GOLGA2: variants seen among roughly 807,000 people sequenced by gnomAD.
GOLGA2 encodes the protein golgin subfamily A member 2.
Under a neutral mutation model 148.8 loss-of-function variants are expected in GOLGA2, and 49 were observed. The ratio of observed to expected loss-of-function variants is 0.33; its 90% confidence interval spans 0.26 to 0.42. The LOEUF is 0.42. Among genes scored for constraint, GOLGA2 ranks in the 10% least tolerant of loss-of-function variants. GOLGA2 has a pLI of 1.00. For synonymous variants in GOLGA2, 501 were observed against 511.8 expected (o/e 0.98, Z 0.28); for missense variants, 1,178 against 1,304.6 (o/e 0.90, Z 1.49).
Position 128,259,428 on chromosome 9 carries a change from C to T in GOLGA2, c.1873-37G>A, listed in dbSNP as rs1203475501. Reference sequence around the variant, plus strand: ...CCCTGGGCGTGAGGGCAGGTGGTGGCCTGCTTCCAGATTCAGGGCCCATAA... The same window carrying T: ...CCCTGGGCGTGAGGGCAGGTGGTGGTCTGCTTCCAGATTCAGGGCCCATAA... On this transcript the variant is annotated intron_variant, in intron 19 of 26. Coordinates refer to ENST00000611957, the MANE Select transcript of GOLGA2 (RefSeq NM_001366244.2). 1.5e-5 allele frequency: 20 copies of T among 1,351,442 alleles called. No individual in the cohort carries two copies. In the East Asian group the frequency reaches 4.9e-4, roughly 33 times the overall value. The allele number at this position is 1,351,442 out of a possible 1,614,324, so 83.7% of individuals were successfully genotyped here. A position where few individuals can be genotyped will look rare whatever the true frequency, so the allele number is the denominator to read the frequency against.
rs72756867 is a variant in GOLGA2 at position 128,259,043 on chromosome 9, G to A, written c.2137C>T (p.Arg713Trp). The A allele has an allele frequency of 1.5e-3, 2,412 of 1,610,430 alleles. 9 individuals are homozygous for A. The highest frequency in any genetic ancestry group is 1.8e-3 in the Non-Finnish European group (2,089 of 1,178,740). The change falls in exon 21 of 27, where the codon CGG (arginine) becomes TGG (tryptophan). Residue 713 changes from arginine (R) to tryptophan (W), a missense_variant. Arg to Trp is a moderately radical substitution (Grantham distance 101). This residue lies in a region of GOLGA2 where 529 missense variants were observed against 521.8 expected (regional missense o/e 1.01). Coordinates refer to ENST00000611957, the MANE Select transcript of GOLGA2 (RefSeq NM_001366244.2). ...TGAGCCATGAGGCTCAACTGGGCCC[G>A]TAGCTGCTGATTCTGCTGGGTGGCA... ...EAATQQNQQL[R>W]AQLSLMAHPG... is the part of the protein sequence containing the mutation.
rs1830061027 is a variant in GOLGA2, at chr9:128,258,633, C to T, written c.2174-63G>A. 3 of 1,206,062 alleles carry T rather than the reference C, an allele frequency of 2.5e-6. No individual in the cohort carries two copies. Among genetic ancestry groups the T allele is most frequent in the East Asian group, 2.5e-5 (1 of 39,256 alleles). 74.7% of individuals were successfully genotyped at this position (1,206,062 alleles called of 1,614,324 possible). On this transcript the variant is annotated intron_variant, in intron 21 of 26. Transcript: ENST00000611957. The surrounding 1 kb of genome is among the most constrained non-coding windows in gnomAD (Gnocchi z 6.6). ...CAAGGGTACAGTGGGCCCACCTCTG[C>T]CCCCACCCTCACTGTGTAACCCTGG...
chr9:128,257,149 C>T lies in GOLGA2; in HGVS notation c.3008G>A (p.Arg1003His), dbSNP rs769354633. 62 of 1,614,012 alleles carry T rather than the reference C, an allele frequency of 3.8e-5. No homozygotes were observed. Among genetic ancestry groups the T allele is most frequent in the Non-Finnish European group, 4.4e-5 (52 of 1,179,996 alleles). Residue 1003 changes from arginine (R) to histidine (H), a missense_variant, in exon 27 of 27, where the codon CGC becomes CAC. Transcript: ENST00000611957. The surrounding 1 kb of genome is among the most constrained non-coding windows in gnomAD (Gnocchi z 8.0). The part of the protein sequence containing the change: ...LLREMQNPRE[R>H]PGLGSNPCIP... ...GCAGGGGTTGCTGCCCAAGCCTGGG[C>T]GCTCCCGGGGGTTCTGCATCTCACG...
At position 128,261,861 on chromosome 9, in the gene GOLGA2, T is replaced by A; in HGVS notation, c.1135-104A>T. ...TAGGCTCAATGTGCAACTCAGTCAA[T>A]ACAACTCTGCTGTCAAGTTTCTTTG... On this transcript the variant is annotated intron_variant, in intron 14 of 26. Coordinates refer to ENST00000611957, the MANE Select transcript of GOLGA2 (RefSeq NM_001366244.2). The surrounding 1 kb of genome is among the most constrained non-coding windows in gnomAD (Gnocchi z 5.7). The A allele has an allele frequency of 1.4e-6, 1 of 701,614 alleles. No homozygotes were observed. Among genetic ancestry groups the A allele is most frequent in the Non-Finnish European group, 2.6e-6 (1 of 386,722 alleles). 43.5% of individuals were successfully genotyped at this position (701,614 alleles called of 1,614,324 possible).
At chr9:128,267,099 A>T in intron 8 of GOLGA2, 95 bp downstream of exon 8, 1 of 905,738 alleles carries the variant, frequency 1.1e-6, no homozygotes, top group Non-Finnish European at 1.9e-6. Context: ...CGCCCTTGGC[A>T]CCAGGGGCCC....
chr9:128,263,479 G>A (rs1231388123), intron 12 of GOLGA2, among the ~76,000 whole-genome samples: 1 of 152,032 alleles, frequency 6.6e-6, no homozygotes, highest in East Asian at 1.9e-4. Context: ...GTGCAGTGGC[G>A]CAATTTCGGC....
chr9:128,265,358 G>A (rs1204000686), intron 12 of GOLGA2, among the ~76,000 whole-genome samples: 1 of 152,166 alleles, frequency 6.6e-6, no homozygotes, highest in Middle Eastern at 3.2e-3. Flanking sequence ...CGGGCACTTG[G>A]CCTCCGAGCT....
chr9:128,266,040 G>T lies in GOLGA2; in HGVS notation c.682-20C>A, dbSNP rs556766131. 1.2e-6 allele frequency: 2 copies of T among 1,602,284 alleles called. No individual in the cohort carries two copies. The highest frequency in any genetic ancestry group is 2.2e-5 in the South Asian group (2 of 90,824). On this transcript the variant is annotated intron_variant, in intron 9 of 26. Coordinates refer to ENST00000611957, the MANE Select transcript of GOLGA2 (RefSeq NM_001366244.2). This position sits in a 1 kb window ranked among gnomAD's most constrained non-coding sequence, Gnocchi z 4.2. ...CTTTTCCTATAGGAAGAGGAAGACA[G>T]AGCTCTTACGAGGGGGAGGCAGAGA... is the stretch of plus-strand genomic sequence containing the variant.
Position 128,271,251 on chromosome 9 carries a change from C to T in GOLGA2, c.288+1534G>A, listed in dbSNP as rs1380153832. Among the ~76,000 whole-genome samples the T allele has an allele frequency of 6.6e-6, 1 of 152,170 alleles. No homozygotes were observed. Among genetic ancestry groups the T allele is most frequent in the Non-Finnish European group, 1.5e-5 (1 of 68,028 alleles). ...TGTGCTCCCCAGCCGTACCACTCAG[C>T]GTCTCCTCTGAGCTGGCAAGGTGAG... On this transcript the variant is annotated intron_variant, in intron 3 of 26. Transcript: ENST00000611957. This position sits in a 1 kb window ranked among gnomAD's most constrained non-coding sequence, Gnocchi z 4.4.
chr9:128,268,773 C>G (rs985322589), intron 3 of GOLGA2, among the ~76,000 whole-genome samples: 1 of 152,186 alleles, frequency 6.6e-6, no homozygotes, highest in Non-Finnish European at 1.5e-5. Context: ...CTCGCTCTCC[C>G]TGGAGCTCAG....
chr9:128,269,962 A>T (rs1351556053), intron 3 of GOLGA2, among the ~76,000 whole-genome samples: 1 of 152,040 alleles, frequency 6.6e-6, no homozygotes, highest in Non-Finnish European at 1.5e-5. Context: ...AATGCCTACA[A>T]CTGAATCTAA....
Position 128,266,169 on chromosome 9 carries a change from G to A in GOLGA2, c.681+118C>T, listed in dbSNP as rs913528018. 2.2e-6 allele frequency: 3 copies of A among 1,350,124 alleles called. No homozygotes were observed. The highest frequency in any genetic ancestry group is 2.9e-5 in the African/African-American group (2 of 69,760). 83.6% of individuals were successfully genotyped at this position (1,350,124 alleles called of 1,614,324 possible). ...ACCCTGTGGGGATGGGGTGGAATCT[G>A]GGGGGGTGAGCCTTCTTCCCCAGGC... On this transcript the variant is annotated intron_variant, in intron 9 of 26. Transcript: ENST00000611957. The surrounding 1 kb of genome is among the most constrained non-coding windows in gnomAD (Gnocchi z 4.2).
chr9:128,269,010 C>T (rs1462235534), intron 3 of GOLGA2, among the ~76,000 whole-genome samples: 1 of 152,212 alleles, frequency 6.6e-6, no homozygotes, highest in Non-Finnish European at 1.5e-5. Flanking sequence ...CTTCCCTTCT[C>T]CCCTGCAGTG....
rs369587258 is a variant in GOLGA2, at chr9:128,260,042, G to A, written c.1872+34C>T. 4.1e-5 allele frequency: 60 copies of A among 1,474,984 alleles called. 1 individual carries two copies. In the African/African-American group the frequency reaches 5.2e-4, roughly 13 times the overall value. 91.4% of individuals were successfully genotyped at this position (1,474,984 alleles called of 1,614,324 possible). On this transcript the variant is annotated intron_variant, in intron 19 of 26. Transcript: ENST00000611957. The surrounding 1 kb of genome is among the most constrained non-coding windows in gnomAD (Gnocchi z 4.8). ...CACCCCTCCCCAGAGGCTGGTGCCC[G>A]CCTCCCAGCCCTTCTTGGATGGGGC...
chr9:128,264,925 C>T (rs770091981), intron 12 of GOLGA2, among the ~76,000 whole-genome samples: 9 of 152,120 alleles, frequency 5.9e-5, no homozygotes, highest in Non-Finnish European at 1.0e-4. Context: ...ATGGACAACA[C>T]GGAATATTAG....
chr9:128,261,135 C>T lies in GOLGA2; in HGVS notation c.1420+37G>A. 6 of 1,404,552 alleles carry T rather than the reference C, an allele frequency of 4.3e-6. No homozygotes were observed. The highest frequency in any genetic ancestry group is 6.1e-6 in the Non-Finnish European group (6 of 989,314). The allele number at this position is 1,404,552 out of a possible 1,614,324, so 87.0% of individuals were successfully genotyped here. A position where few individuals can be genotyped will look rare whatever the true frequency, so the allele number is the denominator to read the frequency against. On this transcript the variant is annotated intron_variant, in intron 17 of 26. Transcript: ENST00000611957. The surrounding 1 kb of genome is among the most constrained non-coding windows in gnomAD (Gnocchi z 5.7). ...AAACCACCCCCACAACCCTCTGACA[C>T]CATTCCTGCTCCCAGGTCACCCCAG...
Position 128,257,909 on chromosome 9 carries a change from G to A in GOLGA2, c.2509-17C>T, listed in dbSNP as rs778037218. ...AAAGCGGCTCTGGAACCAAAATAAT[G>A]GAGTCATATATCGGCAGCGACCTGC... On this transcript the variant is annotated splice_polypyrimidine_tract_variant and intron_variant, in intron 23 of 26. Transcript: ENST00000611957. The surrounding 1 kb of genome is among the most constrained non-coding windows in gnomAD (Gnocchi z 8.0). The A allele has an allele frequency of 2.5e-6, 4 of 1,612,650 alleles. No homozygotes were observed. The South Asian group carries it at 4.4e-5, about 18-fold the overall frequency.
chr9:128,268,508 G>C lies in GOLGA2; in HGVS notation c.305C>G (p.Ala102Gly). 6.2e-7 allele frequency: 1 copy of C among 1,607,334 alleles called. No individual in the cohort carries two copies. Among genetic ancestry groups the C allele is most frequent in the Non-Finnish European group, 8.5e-7 (1 of 1,175,056 alleles). Residue 102 changes from alanine to glycine, a missense_variant, in exon 4 of 27, where the codon GCT becomes GGT. Ala to Gly is a moderately conservative substitution (Grantham distance 60). Transcript: ENST00000611957. ...GTCATCAGATGGTTGTAGAGTAGCA[G>C]CATTGTCCTTGGGTGTCTGTCACAG... is the stretch of plus-strand genomic sequence containing the variant. ...LDKWKTPKDN[A>G]ATLQPSDDTV...
chr9:128,260,786 TG>T lies in GOLGA2; in HGVS notation c.1436del (p.Pro479GlnfsTer42). ...CCTCGGAGGGCCCTGCTGGGGGCTC[TG>T]GGGGCGGGGGTTCAGCTGAGAAAGG... Reference protein sequence around the residue: ...LRNQMAEPPPPEPPAGPSEVE... With the variant: ...LRNQMAEPPPXEPPAGPSEVE... On this transcript the variant is annotated frameshift_variant, in exon 18 of 27. Coordinates refer to ENST00000611957, the MANE Select transcript of GOLGA2 (RefSeq NM_001366244.2). LOFTEE classifies it high-confidence loss of function. The surrounding 1 kb of genome is among the most constrained non-coding windows in gnomAD (Gnocchi z 4.8). 1 of 1,606,990 alleles carries T rather than the reference TG, an allele frequency of 6.2e-7. No homozygotes were observed. Among genetic ancestry groups the T allele is most frequent in the Non-Finnish European group, 8.5e-7 (1 of 1,176,676 alleles).
Sources: allele counts gnomAD v4.1 joint callset (sites outside exome capture counted in the v4.1 genomes callset), GRCh38; gene constraint gnomAD v4.1.1; regional missense constraint gnomAD v4.1.1; non-coding constraint Gnocchi (gnomAD v3.1); transcripts MANE v1.5; gene names NCBI Gene and HGNC (gene_info 2026-07-23, HGNC 2026-07-21).